The following POLR2F variants were observed in gnomAD, a reference collection of about 807,000 sequenced individuals.
The protein encoded by POLR2F is DNA-directed RNA polymerases I, II, and III subunit RPABC2.
Under a neutral mutation model 22.7 loss-of-function variants are expected in POLR2F, and 12 were observed. That is an observed-to-expected ratio of 0.53 (90% CI 0.34 to 0.86). The LOEUF is 0.86. Ranked by LOEUF, POLR2F falls within the 40% of genes least tolerant of loss-of-function variation. The probability of loss-of-function intolerance (pLI) is 0.02; values close to 1 mark genes in which losing one functional copy is unlikely to be tolerated. For missense variants in POLR2F, 126 were observed against 171.5 expected, an observed-to-expected ratio of 0.73 and a Z score of 1.48; for synonymous variants, 57 against 66.0, an observed-to-expected ratio of 0.86 and a Z score of 0.66.
Position 37,974,587 on chromosome 22 carries a change from AGGTGATCCACCTGCCTCG to A in POLR2F, c.293+7419_293+7436del, listed in dbSNP as rs1569168128. On this transcript the variant is annotated intron_variant, in intron 4 of 4. Coordinates refer to the POLR2F transcript ENST00000405557. This position sits in a 1 kb window ranked among gnomAD's most constrained non-coding sequence, Gnocchi z 5.4. Reference sequence around the variant, plus strand: ...AGGGTTGTCTTGAACTCCTGACCTCAGGTGATCCACCTGCCTCGGCCTCCCAAAGTGCTGGGATTACCA... The same window carrying A: ...AGGGTTGTCTTGAACTCCTGACCTCAGCCTCCCAAAGTGCTGGGATTACCA... Among the ~76,000 whole-genome samples, 7 of 152,136 alleles carry A rather than the reference AGGTGATCCACCTGCCTCG, an allele frequency of 4.6e-5. No homozygotes were observed.
At position 37,969,177 on chromosome 22, in the gene POLR2F, G is replaced by A. The variant is rs1398835437; in HGVS notation, c.*1462G>A. 3 of 985,278 alleles carry A rather than the reference G, an allele frequency of 3.0e-6. No homozygotes were observed. Among genetic ancestry groups the A allele is most frequent in the East Asian group, 1.1e-4 (1 of 8,830 alleles). 61.0% of individuals were successfully genotyped at this position (985,278 alleles called of 1,614,324 possible). On this transcript the variant is annotated 3_prime_UTR_variant, in exon 5 of 5. Transcript: ENST00000442738. ...GGGGTTAACCCTTAGGGGATAGAGT[G>A]CAAGGGAAATGGGACAGAAGGGGTG...
At position 37,974,929 on chromosome 22, in the gene POLR2F, C is replaced by T. The variant is rs1394318375; in HGVS notation, c.293+7759C>T. 6.6e-6 allele frequency among the ~76,000 whole-genome samples: 1 copy of T among 152,130 alleles called. No homozygotes were observed. Among genetic ancestry groups the T allele is most frequent in the African/African-American group, 2.4e-5 (1 of 41,416 alleles). Reference sequence around the variant, plus strand: ...GTTTCACCTTTGCTGGTTGCCTGGGCCTGCTCCCTGTCCTGGCCTCATGTT... The same window carrying T: ...GTTTCACCTTTGCTGGTTGCCTGGGTCTGCTCCCTGTCCTGGCCTCATGTT... On this transcript the variant is annotated intron_variant, in intron 4 of 4. Transcript: ENST00000405557. This position sits in a 1 kb window ranked among gnomAD's most constrained non-coding sequence, Gnocchi z 5.4.
intron 2 of POLR2F, 59 bp from the exon 3 acceptor site, chr22:37,959,287 C>T: frequency 6.4e-7 from 1 of 1,573,256 alleles, no homozygotes; most frequent in Non-Finnish European, 8.7e-7. Context: ...CATTATCACT[C>T]TCCCTGTAAC....
intron 1 of POLR2F, among the ~76,000 whole-genome samples, chr22:38,020,904 T>C (rs2084955741): frequency 1.3e-5 from 2 of 152,124 alleles, no homozygotes; most frequent in African/African-American, 4.8e-5. Flanking sequence ...ATCAGGGTCA[T>C]GATTGGGTAT....
intron 5 of POLR2F, among the ~76,000 whole-genome samples, chr22:38,039,146 G>A (rs1465354486): frequency 3.3e-5 from 5 of 152,206 alleles, no homozygotes; most frequent in Non-Finnish European, 5.9e-5. Context: ...GGGGGCCGCC[G>A]CTGGGAACCA....
chr22:38,019,672 C>T (rs2084943771), intron 1 of POLR2F, among the ~76,000 whole-genome samples: 1 of 152,226 alleles, frequency 6.6e-6, no homozygotes, highest in African/African-American at 2.4e-5. Flanking sequence ...ATTCCCTCCT[C>T]ACGTGGGCGG....
rs1932375683 is a variant in POLR2F at position 37,980,861 on chromosome 22, A to G, written c.293+13691A>G. ...TGTGTCCTGCTAGGCCAGGGGCATA[A>G]GAAGACTACTTGGGGAAGGGGCCTG... On this transcript the variant is annotated intron_variant, in intron 4 of 4. Coordinates refer to the POLR2F transcript ENST00000405557. This position sits in a 1 kb window ranked among gnomAD's most constrained non-coding sequence, Gnocchi z 4.1. 6.6e-6 allele frequency among the ~76,000 whole-genome samples: 1 copy of G among 152,226 alleles called. No homozygotes were observed. The highest frequency in any genetic ancestry group is 2.4e-5 in the African/African-American group (1 of 41,456).
chr22:38,026,217 T>C (rs2085008562), intron 2 of POLR2F: 1 of 532,768 alleles, frequency 1.9e-6, no homozygotes, highest in Non-Finnish European at 3.9e-6. Context: ...ACTGAAGCCC[T>C]GAATAGGCAG....
At chr22:38,014,113 ACT>A (rs1363233002) in intron 1 of POLR2F, among the ~76,000 whole-genome samples, 2 of 147,694 alleles carry the variant, frequency 1.4e-5, no homozygotes, top group African/African-American at 2.5e-5. Flanking sequence ...CAAGAGTGAA[ACT>A]CTGTCTCAAA....
Position 37,986,786 on chromosome 22 carries a change from A to T in POLR2F, c.120+474A>T. The T allele has an allele frequency of 2.2e-6, 1 of 463,228 alleles. No individual in the cohort carries two copies. The highest frequency in any genetic ancestry group is 2.0e-5 in the African/African-American group (1 of 50,462). The allele number at this position is 463,228 out of a possible 1,614,324, so 28.7% of individuals were successfully genotyped here. ...TGCTGCGAACACATCCCTGCCCACC[A>T]TGCTGGCAACTGGGATCCCCTCCAT... On this transcript the variant is annotated intron_variant, in intron 1 of 2. Coordinates refer to the POLR2F transcript ENST00000333418. The surrounding 1 kb of genome is among the most constrained non-coding windows in gnomAD (Gnocchi z 4.7).
chr22:37,998,014 A>G (rs575671258), intron 1 of POLR2F, among the ~76,000 whole-genome samples: 16 of 152,296 alleles, frequency 1.1e-4, no homozygotes, highest in East Asian at 1.9e-4. Context: ...CAGAGAGCCA[A>G]GACGGCTTGT....
intron 1 of POLR2F, among the ~76,000 whole-genome samples, chr22:38,024,688 G>A (rs1285270810): frequency 6.6e-6 from 1 of 152,096 alleles, no homozygotes; most frequent in Non-Finnish European, 1.5e-5. Context: ...AGGTGCGGAG[G>A]GTCAAGGGAA....
At chr22:37,990,097 G>T (rs754000802) in intron 1 of POLR2F, among the ~76,000 whole-genome samples, 1 of 152,148 alleles carries the variant, frequency 6.6e-6, no homozygotes, top group African/African-American at 2.4e-5. Context: ...GCTCAGCCTC[G>T]GCTCACCTTC....
At chr22:38,001,149 TCTTA>T (rs1160831407) in intron 1 of POLR2F, among the ~76,000 whole-genome samples, 1 of 152,170 alleles carries the variant, frequency 6.6e-6, no homozygotes, top group African/African-American at 2.4e-5. Flanking sequence ...CCCTGTGGCC[TCTTA>T]CTTGCAAGCT....
chr22:37,963,517 C>T (rs1931732535), intron 3 of POLR2F, among the ~76,000 whole-genome samples: 1 of 152,132 alleles, frequency 6.6e-6, no homozygotes, highest in East Asian at 1.9e-4. Flanking sequence ...CAGTGATCCC[C>T]CTGCTTCAGC....
In POLR2F at chr22:38,016,594, CATT is replaced by C. The variant is rs2084917428; in HGVS notation, c.121-9274_121-9272del. On this transcript the variant is annotated intron_variant, in intron 1 of 2. Transcript: ENST00000333418. The surrounding 1 kb of genome is among the most constrained non-coding windows in gnomAD (Gnocchi z 4.4). ...TAGAAGCAGCTGCGCGCGACGTTGA[CATT>C]GTTCCCACCATTCTAAGTGCAACAA... is the stretch of plus-strand genomic sequence containing the variant. Among the ~76,000 whole-genome samples, 4 of 152,226 alleles carry C rather than the reference CATT, an allele frequency of 2.6e-5. No homozygotes were observed. Among genetic ancestry groups the C allele is most frequent in the African/African-American group, 9.6e-5 (4 of 41,466 alleles).
upstream of POLR2F, chr22:37,984,069 T>C: frequency 3.9e-6 from 1 of 258,326 alleles, no homozygotes; most frequent in East Asian, 7.7e-5. This position sits in a 1 kb window ranked among gnomAD's most constrained non-coding sequence, Gnocchi z 4.4. Context: ...CCCAACCGTC[T>C]CTTGGTGTGG....
chr22:37,967,503 T>C, intron 4 of POLR2F, 122 bp from the exon 5 acceptor site: 1 of 1,494,868 alleles, frequency 6.7e-7, no homozygotes, highest in Non-Finnish European at 8.9e-7. Flanking sequence ...AGTACACTCA[T>C]CAGCCCCAAG....
At chr22:37,970,923 A>T (rs1932031636), downstream of POLR2F, 3 of 266,534 alleles carry the variant, frequency 1.1e-5, no homozygotes, top group Admixed American at 1.5e-4. Flanking sequence ...TGTCTAAAAG[A>T]TCGGGGTTTC....
Sources: gnomAD v4.1 joint callset for allele counts (sites outside exome capture counted in the v4.1 genomes callset) on GRCh38, gnomAD v4.1.1 for gene constraint, Gnocchi (gnomAD v3.1) non-coding constraint, MANE v1.5 for transcripts, NCBI Gene and HGNC (gene_info 2026-07-23, HGNC 2026-07-21) for gene names.